Variants in SYCP2L observed in about 807,000 individuals in gnomAD.
SYCP2L encodes synaptonemal complex protein 2 like.
In SYCP2L, 98 loss-of-function variants were observed where a neutral mutation model predicts 125.8. That is an observed-to-expected ratio of 0.78 (90% CI 0.66 to 0.92). SYCP2L has a LOEUF of 0.92. Among genes scored for constraint, SYCP2L ranks in the 40% least tolerant of loss-of-function variants. SYCP2L has a pLI of 0.00. For synonymous variants in SYCP2L, 317 were observed against 325.4 expected (o/e 0.97, Z 0.28); for missense variants, 842 against 936.4 (o/e 0.90, Z 1.32).
chr6:10,912,772 A>G lies in SYCP2L; in HGVS notation c.1011+7A>G, dbSNP rs1189054494. 1.9e-6 allele frequency: 3 copies of G among 1,612,336 alleles called. No homozygotes were observed. Among genetic ancestry groups the G allele is most frequent in the South Asian group, 2.2e-5 (2 of 90,960 alleles). On this transcript the variant is annotated splice_region_variant and intron_variant, in intron 13 of 29. Coordinates refer to ENST00000283141, the MANE Select transcript of SYCP2L (RefSeq NM_001040274.3). The surrounding 1 kb of genome is among the most constrained non-coding windows in gnomAD (Gnocchi z 4.1). ...TTATATAGACAATGCTGAGGTAATG[A>G]TGTTCGATTCTTGGTTAGAACTAAG...
At chr6:10,910,725 A>T in intron 11 of SYCP2L, 99 bp from the exon 12 acceptor site, 1 of 1,264,610 alleles carries the variant, frequency 7.9e-7, no homozygotes, top group Non-Finnish European at 1.2e-6. Context: ...GAGGAGACTT[A>T]ATGGCATACT....
At chr6:10,932,889 G>T (rs1425037765) in intron 20 of SYCP2L, among the ~76,000 whole-genome samples, 1 of 152,190 alleles carries the variant, frequency 6.6e-6, no homozygotes, top group Non-Finnish European at 1.5e-5. Context: ...GAGTAGCTGG[G>T]ATTACAGGCG....
chr6:10,943,450 C>T (rs1249591323), intron 23 of SYCP2L, among the ~76,000 whole-genome samples: 2 of 152,042 alleles, frequency 1.3e-5, no homozygotes, highest in Admixed American at 6.6e-5. Flanking sequence ...TTACCTGAAA[C>T]CCATCCCACC....
chr6:10,902,590 T>C, intron 6 of SYCP2L, 87 bp from the exon 7 acceptor site: 1 of 1,098,900 alleles, frequency 9.1e-7, no homozygotes, highest in Non-Finnish European at 1.3e-6. Context: ...CAGAACGACA[T>C]CCTTAGTGAA....
At position 10,927,325 on chromosome 6, in the gene SYCP2L, A is replaced by G. The variant is rs944213250; in HGVS notation, c.1398A>G (p.Gln466=). ...RCLITLHLND[Q]SEPPVIGEPA... is the part of the protein sequence containing the mutation. ...TAATAACTCTCCACTTAAATGACCA[A>G]TCTGAGCCACCTGTTATTGGGGAAC... The change falls in exon 17 of 30, where the codon CAA becomes CAG. Residue 466 remains glutamine (Q), a synonymous_variant. Coordinates refer to ENST00000283141, the MANE Select transcript of SYCP2L (RefSeq NM_001040274.3). 3.7e-6 allele frequency: 6 copies of G among 1,613,958 alleles called. No individual in the cohort carries two copies. Among genetic ancestry groups the G allele is most frequent in the African/African-American group, 2.7e-5 (2 of 74,912 alleles).
intron 18 of SYCP2L, among the ~76,000 whole-genome samples, chr6:10,929,401 G>T (rs1288549144): frequency 6.6e-6 from 1 of 152,046 alleles, no homozygotes; most frequent in Non-Finnish European, 1.5e-5. Context: ...AGGGCTTGAG[G>T]ACTGGGCCCT....
rs139127936 is a variant in SYCP2L at position 10,940,745 on chromosome 6, G to C, written c.1814-1714G>C. On this transcript the variant is annotated intron_variant, in intron 21 of 29. Coordinates refer to ENST00000283141, the MANE Select transcript of SYCP2L (RefSeq NM_001040274.3). ...CAGGCATAACATGAACAAGTTCTGG[G>C]GATGTAATATACAGCACAGGTAGTG... 2.7e-3 allele frequency among the ~76,000 whole-genome samples: 408 copies of C among 152,174 alleles called. 1 individual carries two copies. Among genetic ancestry groups the C allele is most frequent in the Middle Eastern group, 0.02 (6 of 294 alleles).
At position 10,902,894 on chromosome 6, in the gene SYCP2L, G is replaced by T; in HGVS notation, c.572G>T (p.Cys191Phe). The T allele has an allele frequency of 6.2e-7, 1 of 1,614,096 alleles. No homozygotes were observed. The highest frequency in any genetic ancestry group is 8.5e-7 in the Non-Finnish European group (1 of 1,180,032). The change falls in exon 8 of 30, where the codon TGC (cysteine) becomes TTC (phenylalanine). Residue 191 changes from cysteine (C) to phenylalanine (F), a missense_variant. Physicochemically the swap from Cys to Phe is radical, Grantham distance 205 (BLOSUM62 -2). Coordinates refer to ENST00000283141, the MANE Select transcript of SYCP2L (RefSeq NM_001040274.3). ...AAAAAGGGCTTGAAGACTTTTAACT[G>T]CATTTTGCACGCTGTCCCTCGAGAA... ...LQQEGLKTFN[C>F]ILHAVPREER...
chr6:10,968,266 A>G (rs186029786), intron 29 of SYCP2L, among the ~76,000 whole-genome samples: 102 of 152,272 alleles, frequency 6.7e-4, no homozygotes, highest in African/African-American at 2.3e-3. Flanking sequence ...TAGAGGAGGG[A>G]AGGAGTTGAA....
At chr6:10,964,640 G>T (rs1049320124) in intron 29 of SYCP2L, among the ~76,000 whole-genome samples, 1 of 152,114 alleles carries the variant, frequency 6.6e-6, no homozygotes, top group Non-Finnish European at 1.5e-5. Context: ...GGTATGTTCA[G>T]CCTGTTCAGT....
intron 23 of SYCP2L, among the ~76,000 whole-genome samples, chr6:10,949,828 C>T (rs1781379375): frequency 6.8e-6 from 1 of 146,558 alleles, no homozygotes; most frequent in Non-Finnish European, 1.5e-5. Context: ...AAAATCTGAT[C>T]TGACAATCTC....
At chr6:10,889,619 T>A (rs1780140164) in intron 1 of SYCP2L, among the ~76,000 whole-genome samples, 1 of 143,188 alleles carries the variant, frequency 7.0e-6, no homozygotes, top group Non-Finnish European at 1.5e-5. Context: ...GATCAGCCTT[T>A]TTTTTTTTTT....
intron 20 of SYCP2L, among the ~76,000 whole-genome samples, chr6:10,932,942 CAG>C (rs1288074300): frequency 6.6e-6 from 1 of 152,080 alleles, no homozygotes; most frequent in Non-Finnish European, 1.5e-5. Flanking sequence ...TCAGTAGAGA[CAG>C]AGTTTTGCCA....
intron 1 of SYCP2L, 115 bp downstream of exon 1, chr6:10,887,250 T>G (rs1003803749): frequency 8.4e-6 from 12 of 1,420,404 alleles, no homozygotes; most frequent in Non-Finnish European, 1.2e-5. Context: ...AGAGACCGGG[T>G]GCTGGGCATA....
rs111432968 is a variant in SYCP2L, at chr6:10,913,588, G to A, written c.1072+661G>A. ...GGGATTTTTTTTTTCTTGCTGAATT[G>A]TTTGAGTTCGTTGTAAATTCTGGAT... On this transcript the variant is annotated intron_variant, in intron 14 of 29. Coordinates refer to ENST00000283141, the MANE Select transcript of SYCP2L (RefSeq NM_001040274.3). Among the ~76,000 whole-genome samples, 349 of 151,860 alleles carry A rather than the reference G, an allele frequency of 2.3e-3. 3 individuals are homozygous for A. The highest frequency in any genetic ancestry group is 7.9e-3 in the African/African-American group (326 of 41,392).
chr6:10,907,433 C>A, intron 9 of SYCP2L, 109 bp from the exon 10 acceptor site: 1 of 985,990 alleles, frequency 1.0e-6, no homozygotes, highest in Non-Finnish European at 1.5e-6. Flanking sequence ...AGACACAATG[C>A]TAGGCTTCTC....
At chr6:10,887,837 C>T (rs1490159935) in intron 1 of SYCP2L, among the ~76,000 whole-genome samples, 2 of 152,188 alleles carry the variant, frequency 1.3e-5, no homozygotes, top group African/African-American at 2.4e-5. Context: ...TCATCTGGCG[C>T]CATCTTCCCA....
chr6:10,928,519 CT>C, intron 18 of SYCP2L, 69 bp downstream of exon 18: 2 of 1,465,662 alleles, frequency 1.4e-6, no homozygotes, highest in South Asian at 1.6e-5. Context: ...TGGAAGCCAC[CT>C]TTCCTGGTTC....
intron 16 of SYCP2L, among the ~76,000 whole-genome samples, chr6:10,926,781 C>CTTTT (rs774954530): frequency 7.3e-6 from 1 of 136,436 alleles, no homozygotes; most frequent in East Asian, 2.1e-4. Flanking sequence ...GATTTCTTTT[C>CTTTT]TTTTTTTTTT....
Sources: allele counts gnomAD v4.1 joint callset (sites outside exome capture counted in the v4.1 genomes callset), GRCh38; gene constraint gnomAD v4.1.1; non-coding constraint Gnocchi (gnomAD v3.1); transcripts MANE v1.5; gene names NCBI Gene and HGNC (gene_info 2026-07-23, HGNC 2026-07-21).